The following SELPLG variants were observed in gnomAD, a reference collection of about 807,000 sequenced individuals.
SELPLG encodes the protein P-selectin glycoprotein ligand 1.
SELPLG carries 2 observed loss-of-function variants against 1.1 expected under a neutral mutation model. The observed-to-expected ratio is 1.82, with a 90% CI of 0.74 to 5.71. SELPLG has a LOEUF of 5.71. Ranked by LOEUF, SELPLG falls within the 30% of genes most tolerant of loss-of-function variation. The probability of loss-of-function intolerance (pLI) is 0.05; values close to 1 mark genes in which losing one functional copy is unlikely to be tolerated. For synonymous variants in SELPLG, 230 were observed against 221.2 expected (o/e 1.04, Z -0.35); for missense variants, 478 against 524.7 (o/e 0.91, Z 0.87).
At chr12:108,627,995 G>A (rs548806190) in intron 1 of SELPLG, among the ~76,000 whole-genome samples, 2 of 152,150 alleles carry the variant, frequency 1.3e-5, no homozygotes, top group Non-Finnish European at 2.9e-5. Context: ...TGGGAGAATT[G>A]CTTGAGCCTG....
In SELPLG at chr12:108,622,032, C is replaced by T; in HGVS notation, c.*1037G>A. Among the ~76,000 whole-genome samples, 1 of 152,176 alleles carries T rather than the reference C, an allele frequency of 6.6e-6. No homozygotes were observed. The highest frequency in any genetic ancestry group is 1.5e-5 in the Non-Finnish European group (1 of 68,028). ...AAAGTGGTCACTGGTGGGGAAGGGG[C>T]AGCCCTCCCTTTGGCCCCCCATAGC... is the stretch of plus-strand genomic sequence containing the variant. On this transcript the variant is annotated 3_prime_UTR_variant, in exon 2 of 2. Coordinates refer to ENST00000550948, the MANE Select transcript of SELPLG (RefSeq NM_003006.4).
chr12:108,625,299 T>C (rs1053400689), intron 1 of SELPLG, among the ~76,000 whole-genome samples: 1 of 152,172 alleles, frequency 6.6e-6, no homozygotes, highest in Admixed American at 6.5e-5. Flanking sequence ...TCTCAGTTTG[T>C]CTCATTCCTT....
chr12:108,631,897 G>T (rs1422644074), intron 1 of SELPLG: 26 of 1,535,072 alleles, frequency 1.7e-5, no homozygotes, highest in Non-Finnish European at 2.3e-5. Flanking sequence ...GGCCCCCACT[G>T]CCATCTTCCT....
At chr12:108,630,976 C>T (rs2032038486) in intron 1 of SELPLG, among the ~76,000 whole-genome samples, 1 of 152,202 alleles carries the variant, frequency 6.6e-6, no homozygotes, top group Non-Finnish European at 1.5e-5. Flanking sequence ...ACCACTGTGG[C>T]TGTCTGCTCT....
chr12:108,624,162 A>T lies in SELPLG; in HGVS notation c.146T>A (p.Leu49Gln), dbSNP rs1256717603. The T allele has an allele frequency of 3.7e-6, 6 of 1,614,020 alleles. No individual in the cohort carries two copies. The highest frequency in any genetic ancestry group is 5.1e-6 in the Non-Finnish European group (6 of 1,180,024). The part of the protein sequence containing the change: ...DRRQATEYEY[L>Q]DYDFLPETEP... ...CGTTTCTGGCAGGAAATCATAATCT[A>T]GGTACTCATATTCGGTGGCCTGTCT... Residue 49 changes from leucine to glutamine, a missense_variant, in exon 2 of 2, where the codon CTA becomes CAA. Leu to Gln is a moderately radical substitution (Grantham distance 113, BLOSUM62 -2). Coordinates refer to ENST00000550948, the MANE Select transcript of SELPLG (RefSeq NM_003006.4).
At position 108,623,232 on chromosome 12, in the gene SELPLG, G is replaced by A; in HGVS notation, c.1076C>T (p.Pro359Leu). 6.2e-7 allele frequency: 1 copy of A among 1,613,952 alleles called. No individual in the cohort carries two copies. The highest frequency in any genetic ancestry group is 8.5e-7 in the Non-Finnish European group (1 of 1,179,894). ...GGATGAGATGCAGACCATCTCGGTG[G>A]GGGAGTAATTACGCACGGGGTACAT... ...GHMYPVRNYS[P>L]TEMVCISSLL... Residue 359 changes from proline (P) to leucine (L), a missense_variant, in exon 2 of 2, where the codon CCC (proline) becomes CTC (leucine). By Grantham distance (98) the Pro-to-Leu change is moderately conservative. Coordinates refer to ENST00000550948, the MANE Select transcript of SELPLG (RefSeq NM_003006.4).
intron 1 of SELPLG, among the ~76,000 whole-genome samples, chr12:108,626,065 C>T (rs1477036859): frequency 6.6e-6 from 1 of 152,044 alleles, no homozygotes; most frequent in Non-Finnish European, 1.5e-5. Context: ...GGGCCCCTCA[C>T]CTTCCAGCCA....
chr12:108,622,847 G>T lies in SELPLG; in HGVS notation c.*222C>A, dbSNP rs1409802382. 1 of 488,114 alleles carries T rather than the reference G, an allele frequency of 2.0e-6. No individual in the cohort carries two copies. Among genetic ancestry groups the T allele is most frequent in the Non-Finnish European group, 3.6e-6 (1 of 279,846 alleles). The allele number at this position is 488,114 out of a possible 1,614,324, so 30.2% of individuals were successfully genotyped here. A position where few individuals can be genotyped will look rare whatever the true frequency, so the allele number is the denominator to read the frequency against. ...TGGACCTCGGCTGAAATGTGGCTGG[G>T]CTTCATCCGCGGAGGGAGGAAAGAG... On this transcript the variant is annotated 3_prime_UTR_variant, in exon 2 of 2. Transcript: ENST00000550948.
chr12:108,624,230 A>G lies in SELPLG; in HGVS notation c.78T>C (p.Asp26=), dbSNP rs1366893950. 1.2e-6 allele frequency: 2 copies of G among 1,614,234 alleles called. No individual in the cohort carries two copies. The highest frequency in any genetic ancestry group is 1.7e-6 in the Non-Finnish European group (2 of 1,180,044). The change falls in exon 2 of 2, where the codon GAT becomes GAC. Residue 26 remains aspartate, a synonymous_variant. Transcript: ENST00000550948. ...GGGGACCCAAGGCTTTCTCGGCTTCATCTGCCCAGGTGTCCCACAGCTGCA... is the reference window on the plus strand; with the variant it reads ...GGGGACCCAAGGCTTTCTCGGCTTCGTCTGCCCAGGTGTCCCACAGCTGCA... ...NSLQLWDTWA[D]EAEKALGPLL...
At chr12:108,632,777 A>G (rs2032084464) in intron 1 of SELPLG, among the ~76,000 whole-genome samples, 1 of 152,150 alleles carries the variant, frequency 6.6e-6, no homozygotes, top group Non-Finnish European at 1.5e-5. Flanking sequence ...CGGCCTCCCA[A>G]AGGGCTGGGA....
At chr12:108,629,660 C>T (rs922745536) in intron 1 of SELPLG, among the ~76,000 whole-genome samples, 1 of 152,034 alleles carries the variant, frequency 6.6e-6, no homozygotes, top group South Asian at 2.1e-4. Flanking sequence ...GAGCTATGAT[C>T]GCACCACTGC....
intron 1 of SELPLG, chr12:108,632,079 G>C: frequency 1.5e-6 from 1 of 671,388 alleles, no homozygotes; most frequent in South Asian, 1.9e-5. Context: ...TCGGATGATT[G>C]ATTCCCCAGC....
chr12:108,632,818 A>G (rs1420663), intron 1 of SELPLG, among the ~76,000 whole-genome samples: 140,729 of 152,264 alleles, frequency 0.92, 65,357 homozygotes, highest in Non-Finnish European at 0.95. Flanking sequence ...ACCCAGCCAA[A>G]TATTCTAATT....
chr12:108,632,019 G>A, intron 1 of SELPLG: 1 of 1,235,840 alleles, frequency 8.1e-7, no homozygotes, highest in Non-Finnish European at 1.1e-6. Flanking sequence ...TCCCCTTCAA[G>A]CCTCAGTTTT....
chr12:108,633,645 GC>G (rs2032100015), intron 1 of SELPLG, 94 bp downstream of exon 1: 1 of 152,338 alleles, frequency 6.6e-6, no homozygotes. Flanking sequence ...GAAGGGCCTG[GC>G]GGTCCTACCC....
At chr12:108,625,325 TG>T (rs1442264774) in intron 1 of SELPLG, among the ~76,000 whole-genome samples, 89 of 152,350 alleles carry the variant, frequency 5.8e-4, no homozygotes, top group African/African-American at 2.0e-3. Flanking sequence ...TGTCTTGTCT[TG>T]GTCCCATTTG....
intron 1 of SELPLG, among the ~76,000 whole-genome samples, chr12:108,630,250 G>A (rs1262063809): frequency 3.3e-5 from 5 of 152,192 alleles, no homozygotes; most frequent in Admixed American, 6.5e-5. Context: ...CCCCATATGG[G>A]CCCCATCTAG....
chr12:108,624,583 T>C (rs2136762733), intron 1 of SELPLG, among the ~76,000 whole-genome samples: 1 of 152,282 alleles, frequency 6.6e-6, no homozygotes, highest in Admixed American at 6.5e-5. Flanking sequence ...TGCCTCCCTC[T>C]CCATTTTGGT....
Position 108,623,317 on chromosome 12 carries a change from C to T in SELPLG, c.991G>A (p.Ala331Thr), listed in dbSNP as rs2031858352. 2 of 1,614,122 alleles carry T rather than the reference C, an allele frequency of 1.2e-6. No homozygotes were observed. Among genetic ancestry groups the T allele is most frequent in the Non-Finnish European group, 1.7e-6 (2 of 1,180,060 alleles). The change falls in exon 2 of 2, where the codon GCC becomes ACC. Residue 331 changes from alanine to threonine, a missense_variant. Physicochemically the swap from Ala to Thr is moderately conservative, Grantham distance 58. Coordinates refer to ENST00000550948, the MANE Select transcript of SELPLG (RefSeq NM_003006.4). Reference sequence around the variant, plus strand: ...ACAGTGCACACGAAGAAGATAGTGGCCACCAGCGCCAAGATTAGGATGGCC... The same window carrying T: ...ACAGTGCACACGAAGAAGATAGTGGTCACCAGCGCCAAGATTAGGATGGCC... ...LLAILILALV[A>T]TIFFVCTVVL...
Sources: gnomAD v4.1 joint callset for allele counts (sites outside exome capture counted in the v4.1 genomes callset) on GRCh38, gnomAD v4.1.1 for gene constraint, MANE v1.5 for transcripts, NCBI Gene and HGNC (gene_info 2026-07-23, HGNC 2026-07-21) for gene names.